TEK: variants seen among roughly 807,000 people sequenced by gnomAD.
TEK encodes TEK receptor tyrosine kinase.
TEK carries 43 observed loss-of-function variants against 131.8 expected under a neutral mutation model. The observed-to-expected ratio is 0.33, with a 90% confidence interval of 0.26 to 0.42. The LOEUF is 0.42. Among genes scored for constraint, TEK ranks in the 10% least tolerant of loss-of-function variants. The pLI is 1.00. For missense variants in TEK, 1,162 were observed against 1,384.4 expected (o/e 0.84, Z 2.55); for synonymous variants, 580 against 491.6 (o/e 1.18, Z -2.38).
rs756993811 is a variant in TEK at position 27,202,902 on chromosome 9, C to T, written c.1992C>T (p.Gly664=). The T allele has an allele frequency of 6.2e-7, 1 of 1,614,126 alleles. No homozygotes were observed. Among genetic ancestry groups the T allele is most frequent in the Admixed American group, 1.7e-5 (1 of 60,012 alleles). ...TGATTTCTTGGACAATATTGGATGG[C>T]TATTCTATTTCTTCTATTACTATCC... The part of the protein sequence containing the change: ...SAVISWTILD[G]YSISSITIRY... Residue 664 remains glycine, a synonymous_variant, in exon 13 of 23, where the codon GGC becomes GGT. Transcript: ENST00000380036.
rs747657032 is a variant in TEK at position 27,157,953 on chromosome 9, A to T, written c.175A>T (p.Arg59Trp). The change falls in exon 2 of 23, where the codon AGG becomes TGG. Residue 59 changes from arginine (R) to tryptophan (W), a missense_variant. This residue lies in a region of TEK where 436 missense variants were observed against 539.1 expected (regional missense o/e 0.81). Transcript: ENST00000380036. ...WRPHEPITIG[R>W]DFEALMNQHQ... ...CCCCCATGAGCCCATCACCATAGGAAGGGACTTTGAAGCCTTAATGAACCA... is the reference window on the plus strand; with the variant it reads ...CCCCCATGAGCCCATCACCATAGGATGGGACTTTGAAGCCTTAATGAACCA... The T allele has an allele frequency of 3.1e-6, 5 of 1,614,116 alleles. No homozygotes were observed. The highest frequency in any genetic ancestry group is 3.4e-6 in the Non-Finnish European group (4 of 1,180,016).
At chr9:27,166,684 T>A (rs1823742595) in intron 2 of TEK, among the ~76,000 whole-genome samples, 1 of 152,236 alleles carries the variant, frequency 6.6e-6, no homozygotes, top group African/African-American at 2.4e-5. Flanking sequence ...TATTTTTATA[T>A]CCCTTTATTC....
intron 1 of TEK, among the ~76,000 whole-genome samples, chr9:27,112,476 C>G (rs1187438790): frequency 6.6e-6 from 1 of 152,170 alleles, no homozygotes; most frequent in African/African-American, 2.4e-5. Flanking sequence ...TGTTAGGTCT[C>G]AGCATTTCCC....
At chr9:27,124,262 G>C (rs1217042496) in intron 1 of TEK, among the ~76,000 whole-genome samples, 1 of 152,176 alleles carries the variant, frequency 6.6e-6, no homozygotes, top group Non-Finnish European at 1.5e-5. Flanking sequence ...CATGTTTTTG[G>C]CTCATTCAAG....
At chr9:27,170,595 C>G (rs1252965061) in intron 4 of TEK, among the ~76,000 whole-genome samples, 1 of 134,412 alleles carries the variant, frequency 7.4e-6, no homozygotes, top group African/African-American at 2.8e-5. Flanking sequence ...AAGAGCAAGA[C>G]CTTGTCTCAA....
At chr9:27,126,664 G>T (rs1449333633) in intron 1 of TEK, among the ~76,000 whole-genome samples, 1 of 152,192 alleles carries the variant, frequency 6.6e-6, no homozygotes, top group Non-Finnish European at 1.5e-5. Context: ...AACTGCTCCA[G>T]TCTAGGGTAA....
intron 15 of TEK, among the ~76,000 whole-genome samples, chr9:27,208,254 T>G (rs560551): frequency 0.46 from 69,373 of 151,962 alleles, 16,250 homozygotes; most frequent in Non-Finnish European, 0.49. Context: ...AGTACCATTA[T>G]TCCCTCATGA....
At chr9:27,217,615 ACAGCTCAGG>A in intron 18 of TEK, 64 bp from the exon 19 acceptor site, 1 of 1,352,628 alleles carries the variant, frequency 7.4e-7, no homozygotes, top group Non-Finnish European at 1.1e-6. Flanking sequence ...TTGTGGAGCC[ACAGCTCAGG>A]CAGGCTGAGA....
At chr9:27,163,897 AC>A (rs1471513235) in intron 2 of TEK, among the ~76,000 whole-genome samples, 1 of 152,198 alleles carries the variant, frequency 6.6e-6, no homozygotes, top group Non-Finnish European at 1.5e-5. Context: ...CTTGTGTATA[AC>A]TTTTACTACC....
chr9:27,126,645 C>A (rs577987579), intron 1 of TEK, among the ~76,000 whole-genome samples: 1 of 152,156 alleles, frequency 6.6e-6, no homozygotes, highest in Non-Finnish European at 1.5e-5. Context: ...ATAGCACAGA[C>A]CAGAGAGAAA....
rs181569230 is a variant in TEK, at chr9:27,122,277, A to G, written c.52+12635A>G. Among the ~76,000 whole-genome samples the G allele has an allele frequency of 1.3e-3, 197 of 152,326 alleles. 1 individual carries two copies. The highest frequency in any genetic ancestry group is 4.3e-3 in the African/African-American group (180 of 41,576). On this transcript the variant is annotated intron_variant, in intron 1 of 22. Transcript: ENST00000380036. ...CCTGCCCTAATAAAGGCAGATGGAA[A>G]CATGGAAACTGGAGTGAGCAATTCT...
intron 7 of TEK, among the ~76,000 whole-genome samples, chr9:27,183,007 A>G (rs764791040): frequency 1.5e-4 from 23 of 152,232 alleles, no homozygotes; most frequent in Admixed American, 5.2e-4. Context: ...ACTGAGGTCA[A>G]TGCTGTTGAA....
intron 1 of TEK, among the ~76,000 whole-genome samples, chr9:27,111,680 G>A (rs1281366954): frequency 6.6e-6 from 1 of 151,976 alleles, no homozygotes; most frequent in African/African-American, 2.4e-5. Flanking sequence ...TCTGAATTGA[G>A]AATCATTGCT....
At chr9:27,124,054 G>A (rs563971955) in intron 1 of TEK, among the ~76,000 whole-genome samples, 14 of 152,364 alleles carry the variant, frequency 9.2e-5, no homozygotes, top group African/African-American at 3.4e-4. Context: ...CGGGTGGGTG[G>A]CGTGAGCCAC....
At chr9:27,223,067 G>C (rs865827037) in intron 21 of TEK, among the ~76,000 whole-genome samples, 3 of 152,104 alleles carry the variant, frequency 2.0e-5, no homozygotes, top group Admixed American at 6.6e-5. Context: ...ACCAAGAACA[G>C]CTAACTAACT....
At chr9:27,153,381 C>G (rs531911847) in intron 1 of TEK, among the ~76,000 whole-genome samples, 400 of 152,250 alleles carry the variant, frequency 2.6e-3, no homozygotes, top group African/African-American at 7.8e-3. Flanking sequence ...ACCCGGGAGG[C>G]GGAAGTTGCA....
Position 27,183,565 on chromosome 9 carries a change from T to C in TEK, c.1137T>C (p.Thr379=). The C allele has an allele frequency of 6.2e-7, 1 of 1,613,942 alleles. No individual in the cohort carries two copies. Among genetic ancestry groups the C allele is most frequent in the Non-Finnish European group, 8.5e-7 (1 of 1,179,846 alleles). ...AAGCTTCTGGCTGGCCGCTACCTACTAATGAAGAAATGACCCTGGTGAAGC... is the reference window on the plus strand; with the variant it reads ...AAGCTTCTGGCTGGCCGCTACCTACCAATGAAGAAATGACCCTGGTGAAGC... ...ICKASGWPLP[T]NEEMTLVKPD... is the part of the protein sequence containing the mutation. Residue 379 remains threonine (T), a synonymous_variant, in exon 8 of 23, where the codon ACT becomes ACC. Coordinates refer to ENST00000380036, the MANE Select transcript of TEK (RefSeq NM_000459.5).
intron 3 of TEK, 47 bp from the exon 4 acceptor site, chr9:27,169,430 G>A (rs1564073104): frequency 6.2e-7 from 1 of 1,612,038 alleles, no homozygotes; most frequent in East Asian, 2.2e-5. Context: ...AAGGAAGCAG[G>A]TATGTTTCAG....
At chr9:27,197,656 A>C in intron 12 of TEK, 57 bp downstream of exon 12, 1 of 1,603,916 alleles carries the variant, frequency 6.2e-7, no homozygotes, top group Non-Finnish European at 8.5e-7. Flanking sequence ...ACCGCCATGC[A>C]GACTTAGCTA....
Sources: allele counts gnomAD v4.1 joint callset (sites outside exome capture counted in the v4.1 genomes callset), GRCh38; gene constraint gnomAD v4.1.1; regional missense constraint gnomAD v4.1.1; transcripts MANE v1.5; gene names NCBI Gene and HGNC (gene_info 2026-07-23, HGNC 2026-07-21).